RAPGEF2: variants seen among roughly 807,000 people sequenced by gnomAD.
RAPGEF2 encodes the protein PDZ domain containing guanine nucleotide exchange factor (GEF) 1.
Under a neutral mutation model 186.7 loss-of-function variants are expected in RAPGEF2, and 54 were observed. That is an observed-to-expected ratio of 0.29 (90% CI 0.23 to 0.36). The LOEUF is 0.36. Ranked by LOEUF, RAPGEF2 falls within the 10% of genes least tolerant of loss-of-function variation. The pLI is 1.00. For missense variants in RAPGEF2, 1,532 were observed against 2,045.0 expected (o/e 0.75, Z 4.84); for synonymous variants, 712 against 705.9 (o/e 1.01, Z -0.14).
intron 8 of RAPGEF2, among the ~76,000 whole-genome samples, chr4:159,313,714 C>T (rs1764221548): frequency 6.6e-6 from 1 of 151,912 alleles, no homozygotes; most frequent in Non-Finnish European, 1.5e-5. Flanking sequence ...CACTTCTGTT[C>T]AAGATTGATG....
chr4:159,107,495 CTG>C (rs1339409817), intron 1 of RAPGEF2, among the ~76,000 whole-genome samples: 2 of 152,114 alleles, frequency 1.3e-5, no homozygotes, highest in Non-Finnish European at 2.9e-5. Context: ...TATTGCAAAA[CTG>C]TTTCTTCTCT....
At chr4:159,256,507 A>AT (rs1756182962) in intron 7 of RAPGEF2, among the ~76,000 whole-genome samples, 3 of 152,202 alleles carry the variant, frequency 2.0e-5, no homozygotes, top group African/African-American at 7.2e-5. Context: ...TGTGATGAAC[A>AT]TATGTGTGTG....
At chr4:159,249,767 A>G (rs1755090515) in intron 7 of RAPGEF2, among the ~76,000 whole-genome samples, 1 of 152,134 alleles carries the variant, frequency 6.6e-6, no homozygotes, top group Admixed American at 6.5e-5. Flanking sequence ...TATTTGAGAT[A>G]TAATTCACAT....
intron 3 of RAPGEF2, among the ~76,000 whole-genome samples, chr4:159,195,273 T>C (rs1477337611): frequency 6.6e-6 from 1 of 152,224 alleles, no homozygotes; most frequent in Non-Finnish European, 1.5e-5. Flanking sequence ...TAAAAAGTTA[T>C]CAGTGGAATG....
chr4:159,185,081 G>A (rs1261324780), intron 1 of RAPGEF2, among the ~76,000 whole-genome samples: 4 of 152,056 alleles, frequency 2.6e-5, no homozygotes, highest in Admixed American at 6.6e-5. Flanking sequence ...ATGAAAAGAC[G>A]CTCAACATCC....
intron 3 of RAPGEF2, among the ~76,000 whole-genome samples, chr4:159,209,726 C>A (rs182668742): frequency 6.6e-6 from 1 of 152,250 alleles, no homozygotes; most frequent in East Asian, 1.9e-4. Context: ...TTGACAATAC[C>A]TAAGAAGATT....
chr4:159,177,794 C>A (rs1340107829), intron 1 of RAPGEF2, among the ~76,000 whole-genome samples: 1 of 152,114 alleles, frequency 6.6e-6, no homozygotes, highest in African/African-American at 2.4e-5. Context: ...AGCTTTTAAC[C>A]CCGTTATTAA....
chr4:159,355,142 A>G (rs1731784204), intron 28 of RAPGEF2, among the ~76,000 whole-genome samples: 1 of 152,192 alleles, frequency 6.6e-6, no homozygotes, highest in African/African-American at 2.4e-5. Context: ...AATGATTTTT[A>G]GTTCCTAACA....
intron 1 of RAPGEF2, among the ~76,000 whole-genome samples, chr4:159,184,817 C>G (rs915894278): frequency 1.2e-4 from 19 of 152,166 alleles, no homozygotes; most frequent in Admixed American, 2.0e-4. Context: ...AGTCCTTGCC[C>G]ATGCCTATGT....
At chr4:159,205,522 G>A (rs762537873) in intron 3 of RAPGEF2, among the ~76,000 whole-genome samples, 6 of 152,126 alleles carry the variant, frequency 3.9e-5, no homozygotes, top group Non-Finnish European at 8.8e-5. Flanking sequence ...TAGGCTCTGT[G>A]TCCCCACCCA....
chr4:159,292,024 A>T (rs1052795767), intron 7 of RAPGEF2, among the ~76,000 whole-genome samples: 36 of 152,244 alleles, frequency 2.4e-4, no homozygotes, highest in African/African-American at 8.2e-4. Context: ...TATTTTGTAT[A>T]TGTGTGTAGA....
At chr4:159,352,262 T>C (rs943223887) in intron 26 of RAPGEF2, among the ~76,000 whole-genome samples, 12 of 152,268 alleles carry the variant, frequency 7.9e-5, no homozygotes, top group African/African-American at 2.9e-4. Flanking sequence ...GTTGAATTAG[T>C]CTATGCCATA....
rs1732341012 is a variant in RAPGEF2, at chr4:159,358,312, A to T, written c.*173A>T. The T allele has an allele frequency of 1.6e-6, 1 of 610,638 alleles. No individual in the cohort carries two copies. 37.8% of individuals were successfully genotyped at this position (610,638 alleles called of 1,614,324 possible). A position where few individuals can be genotyped will look rare whatever the true frequency, so the allele number is the denominator to read the frequency against. On this transcript the variant is annotated 3_prime_UTR_variant, in exon 30 of 30. Transcript: ENST00000691494. ...CTCCCCTTCTTCCTTTCCCCTTTGC[A>T]TGTGAAATACTGTGAAGAAATTGCC...
chr4:159,148,571 A>G (rs1223689598), intron 1 of RAPGEF2, among the ~76,000 whole-genome samples: 2 of 152,180 alleles, frequency 1.3e-5, no homozygotes, highest in Non-Finnish European at 2.9e-5. Flanking sequence ...ATGGTGGTCC[A>G]TGTTTAACTA....
intron 24 of RAPGEF2, 100 bp from the exon 25 acceptor site, chr4:159,346,689 C>G (rs1191884106): frequency 1.0e-6 from 1 of 998,880 alleles, no homozygotes; most frequent in East Asian, 2.4e-5. Flanking sequence ...ATTTAGTATT[C>G]TAACTGCAGA....
In RAPGEF2 at chr4:159,238,903, G is replaced by A. The variant is rs1199848614; in HGVS notation, c.357+19G>A. On this transcript the variant is annotated intron_variant, in intron 5 of 29. Transcript: ENST00000691494. ...GATTGTGGTAAGAGTATTTCTGTGA[G>A]GACTATTTTTCCCCTAAAAAATTGT... is the stretch of plus-strand genomic sequence containing the variant. 4 of 1,437,166 alleles carry A rather than the reference G, an allele frequency of 2.8e-6. No homozygotes were observed. In the Admixed American group the frequency reaches 8.4e-5, roughly 30 times the overall value. The allele number at this position is 1,437,166 out of a possible 1,614,324, so 89.0% of individuals were successfully genotyped here.
At chr4:159,261,305 G>C (rs182586115) in intron 7 of RAPGEF2, among the ~76,000 whole-genome samples, 1 of 148,050 alleles carries the variant, frequency 6.8e-6, no homozygotes, top group South Asian at 2.2e-4. Flanking sequence ...CTTGTGATTC[G>C]CCCACCTTGA....
chr4:159,251,721 C>T (rs1314279515), intron 7 of RAPGEF2, among the ~76,000 whole-genome samples: 1 of 152,054 alleles, frequency 6.6e-6, no homozygotes, highest in Non-Finnish European at 1.5e-5. Flanking sequence ...TATAAATGCA[C>T]CAATCAGCAC....
At chr4:159,289,459 A>G (rs989467495) in intron 7 of RAPGEF2, among the ~76,000 whole-genome samples, 5 of 152,168 alleles carry the variant, frequency 3.3e-5, no homozygotes, top group African/African-American at 7.2e-5. Context: ...GATCTTACCT[A>G]TAATTGCTGA....
Sources: allele counts gnomAD v4.1 joint callset (sites outside exome capture counted in the v4.1 genomes callset), GRCh38; gene constraint gnomAD v4.1.1; transcripts MANE v1.5; gene names NCBI Gene and HGNC (gene_info 2026-07-23, HGNC 2026-07-21).